The following SGK3 variants were observed in gnomAD, a reference collection of about 807,000 sequenced individuals.
The protein encoded by SGK3 is serum/glucocorticoid regulated kinase family member 3.
Under a neutral mutation model 68.5 loss-of-function variants are expected in SGK3, and 47 were observed. That is an observed-to-expected ratio of 0.69 (90% CI 0.54 to 0.87). SGK3 has a LOEUF of 0.87. SGK3 is among the 40% of genes least tolerant of loss of function. The pLI, the probability that SGK3 is intolerant of heterozygous loss-of-function variation, is 0.00. For synonymous variants in SGK3, 181 were observed against 189.1 expected, an observed-to-expected ratio of 0.96 and a Z score of 0.35; for missense variants, 479 against 575.5, an observed-to-expected ratio of 0.83 and a Z score of 1.72.
At chr8:66,783,886 GTTGTTTGT>G (rs910282648) in intron 1 of SGK3, among the ~76,000 whole-genome samples, 1 of 151,720 alleles carries the variant, frequency 6.6e-6, no homozygotes, top group African/African-American at 2.4e-5. Flanking sequence ...TTTTGTTGTC[GTTGTTTGT>G]TTGTTTGTTT....
chr8:66,815,519 G>T (rs990902983), intron 5 of SGK3, among the ~76,000 whole-genome samples: 4 of 152,046 alleles, frequency 2.6e-5, no homozygotes. Context: ...GGGGATATAC[G>T]CTATGCTATC....
chr8:66,835,687 G>T lies in SGK3; in HGVS notation c.526-76G>T, dbSNP rs151271633. The T allele has an allele frequency of 3.8e-4, 551 of 1,449,258 alleles. 4 individuals carry two copies. In the East Asian group the frequency reaches 0.01, roughly 27 times the overall value. 89.8% of individuals were successfully genotyped at this position (1,449,258 alleles called of 1,614,324 possible). ...CTTTTTACAGAATTTAAGAAGTATT[G>T]ATGTGTTGACAAGTGAATTATTTCT... is the stretch of plus-strand genomic sequence containing the variant. On this transcript the variant is annotated intron_variant, in intron 8 of 16. Transcript: ENST00000521198.
rs567908912 is a variant in SGK3, at chr8:66,817,828, TTG to T, written c.329+3903_329+3904del. Among the ~76,000 whole-genome samples, 769 of 152,148 alleles carry T rather than the reference TTG, an allele frequency of 5.1e-3. 6 individuals carry two copies. The highest frequency in any genetic ancestry group is 8.9e-3 in the Non-Finnish European group (606 of 67,974). ...ATGAAAAATTTGACTAATAAAAACTTTGTGCACGGTGGCTCATGCCTTTACTC... is the reference window on the plus strand; with the variant it reads ...ATGAAAAATTTGACTAATAAAAACTTTGCACGGTGGCTCATGCCTTTACTC... On this transcript the variant is annotated intron_variant, in intron 5 of 16. Transcript: ENST00000521198.
intron 1 of SGK3, among the ~76,000 whole-genome samples, chr8:66,713,678 C>T (rs1448084597): frequency 1.3e-5 from 2 of 152,204 alleles, no homozygotes; most frequent in Non-Finnish European, 2.9e-5. Context: ...ATTTACCAAA[C>T]ACTTACATAG....
chr8:66,782,550 G>A (rs1364512798), intron 1 of SGK3, among the ~76,000 whole-genome samples: 2 of 152,088 alleles, frequency 1.3e-5, no homozygotes, highest in South Asian at 2.1e-4. Flanking sequence ...TGTGGGTTTG[G>A]ACAAATGTAT....
At position 66,847,326 on chromosome 8, in the gene SGK3, G is replaced by C; in HGVS notation, c.1208G>C (p.Arg403Pro). The C allele has an allele frequency of 6.2e-7, 1 of 1,613,798 alleles. No individual in the cohort carries two copies. The highest frequency in any genetic ancestry group is 8.5e-7 in the Non-Finnish European group (1 of 1,179,938). The change falls in exon 15 of 17, where the codon CGA (arginine) becomes CCA (proline). Residue 403 changes from arginine to proline, a missense_variant. Physicochemically the swap from Arg to Pro is moderately radical, Grantham distance 103. Transcript: ENST00000521198. ...EELLEKDRQN[R>P]LGAKEDFLEI... The stretch of plus-strand genomic sequence containing the variant: ...CTCCTAGAAAAAGACAGGCAAAATC[G>C]ACTTGGTGCCAAGGAAGACTTTGTA...
At chr8:66,738,890 A>G (rs1392477728) in intron 1 of SGK3, among the ~76,000 whole-genome samples, 2 of 152,018 alleles carry the variant, frequency 1.3e-5, no homozygotes, top group Non-Finnish European at 2.9e-5. Context: ...TTGGCCTCCC[A>G]CAGTGCTGGG....
At chr8:66,854,072 C>G (rs1444990901) in intron 16 of SGK3, among the ~76,000 whole-genome samples, 1 of 152,086 alleles carries the variant, frequency 6.6e-6, no homozygotes, top group Non-Finnish European at 1.5e-5. Flanking sequence ...TTGGGTACAC[C>G]CAGGTTTTGA....
intron 7 of SGK3, among the ~76,000 whole-genome samples, chr8:66,829,731 C>T (rs912031032): frequency 3.9e-5 from 6 of 152,000 alleles, no homozygotes; most frequent in African/African-American, 1.2e-4. Context: ...GTAGAGACAA[C>T]GAGTTTACAA....
intron 10 of SGK3, among the ~76,000 whole-genome samples, chr8:66,836,906 C>G (rs188709533): frequency 2.6e-5 from 4 of 151,510 alleles, no homozygotes; most frequent in Admixed American, 2.0e-4. Flanking sequence ...ACCGTGCAGT[C>G]CCCTTTTTTG....
chr8:66,801,513 C>T (rs1807944553), intron 3 of SGK3, among the ~76,000 whole-genome samples: 5 of 151,922 alleles, frequency 3.3e-5, no homozygotes, highest in Admixed American at 3.3e-4. Flanking sequence ...TCTTGAATAC[C>T]CATTATTTGC....
At chr8:66,837,789 A>C (rs887794809) in intron 10 of SGK3, among the ~76,000 whole-genome samples, 3 of 152,274 alleles carry the variant, frequency 2.0e-5, no homozygotes, top group African/African-American at 7.2e-5. Flanking sequence ...GTGTCAAAAA[A>C]AAAAATTCCC....
chr8:66,840,081 T>A lies in SGK3; in HGVS notation c.820T>A (p.Leu274Met). 4 of 1,614,092 alleles carry A rather than the reference T, an allele frequency of 2.5e-6. No homozygotes were observed. The highest frequency in any genetic ancestry group is 3.4e-6 in the Non-Finnish European group (4 of 1,179,994). Residue 274 changes from leucine to methionine, a missense_variant, in exon 11 of 17, where the codon TTG becomes ATG. Transcript: ENST00000521198. ...TTACGCTGCTGAAATTGCTAGTGCA[T>A]TGGGTTACTTACATTCCATCAAAAT... ...RFYAAEIASALGYLHSIKIVY... is the reference protein window; with the variant it reads ...RFYAAEIASAMGYLHSIKIVY...
chr8:66,714,265 ACTG>A (rs1169295709), intron 1 of SGK3, among the ~76,000 whole-genome samples: 1 of 152,228 alleles, frequency 6.6e-6, no homozygotes, highest in African/African-American at 2.4e-5. Context: ...TTGTAATTTT[ACTG>A]CTATTTGCTC....
At chr8:66,777,341 C>T (rs1248080254) in intron 1 of SGK3, among the ~76,000 whole-genome samples, 1 of 152,154 alleles carries the variant, frequency 6.6e-6, no homozygotes. Flanking sequence ...CAGTTGTGTT[C>T]ACTGTTGTAT....
At chr8:66,857,682 C>G (rs1810568906) in intron 16 of SGK3, among the ~76,000 whole-genome samples, 1 of 152,006 alleles carries the variant, frequency 6.6e-6, no homozygotes, top group African/African-American at 2.4e-5. Flanking sequence ...TTGGAGAAGG[C>G]TAAGGCAGGA....
intron 1 of SGK3, among the ~76,000 whole-genome samples, chr8:66,717,340 G>A (rs887466171): frequency 6.6e-6 from 1 of 151,572 alleles, no homozygotes; most frequent in Non-Finnish European, 1.5e-5. Context: ...GACCAGCCTA[G>A]CCAACATGGA....
chr8:66,765,073 T>C (rs766109713), intron 1 of SGK3, among the ~76,000 whole-genome samples: 5 of 152,206 alleles, frequency 3.3e-5, no homozygotes, highest in Non-Finnish European at 5.9e-5. Context: ...TGGGGGTATA[T>C]ATCTAGAAGT....
At chr8:66,784,551 T>G (rs1403941016) in intron 1 of SGK3, among the ~76,000 whole-genome samples, 1 of 152,138 alleles carries the variant, frequency 6.6e-6, no homozygotes, top group Non-Finnish European at 1.5e-5. Context: ...TGTTTATTTT[T>G]TAGAGGTAAA....
Sources: allele counts gnomAD v4.1 joint callset (sites outside exome capture counted in the v4.1 genomes callset), GRCh38; gene constraint gnomAD v4.1.1; transcripts MANE v1.5; gene names NCBI Gene and HGNC (gene_info 2026-07-23, HGNC 2026-07-21).